Variants in MTUS2 observed in about 807,000 individuals in gnomAD.
MTUS2 encodes the protein microtubule-associated tumor suppressor candidate 2.
MTUS2 carries 40 observed loss-of-function variants against 114.1 expected under a neutral mutation model. That is an observed-to-expected ratio of 0.35 (90% confidence interval 0.27 to 0.46). MTUS2 has a LOEUF of 0.46. Ranked by LOEUF, MTUS2 falls within the 20% of genes least tolerant of loss-of-function variation. The probability of loss-of-function intolerance (pLI) is 1.00; values close to 1 mark genes in which losing one functional copy is unlikely to be tolerated. For synonymous variants in MTUS2, 688 were observed against 672.0 expected (o/e 1.02, Z -0.37); for missense variants, 1,679 against 1,705.4 (o/e 0.98, Z 0.27).
In MTUS2 at chr13:29,156,003, AC is replaced by A. The variant is rs1225061016; in HGVS notation, c.2644+55036del. On this transcript the variant is annotated intron_variant, in intron 5 of 15. Transcript: ENST00000612955. ...TAACCATAAACAGCCGTTTGCCCAT[AC>A]CCATGCACACTGGCTAAATATTGAC... 2.6e-5 allele frequency among the ~76,000 whole-genome samples: 4 copies of A among 152,232 alleles called. No homozygotes were observed. The East Asian group carries it at 7.8e-4, about 30-fold the overall frequency.
chr13:29,145,562 C>G (rs967940511), intron 5 of MTUS2, among the ~76,000 whole-genome samples: 5 of 152,144 alleles, frequency 3.3e-5, no homozygotes, highest in Admixed American at 6.5e-5. Flanking sequence ...ATTATAAGAC[C>G]AAGGCCATTT....
At chr13:29,072,547 C>T (rs9506089) in intron 4 of MTUS2, among the ~76,000 whole-genome samples, 87,341 of 152,034 alleles carry the variant, frequency 0.57, 25,380 homozygotes, top group Non-Finnish European at 0.61. Flanking sequence ...TGTCATCATA[C>T]TACAGTTTTC....
At chr13:29,393,451 G>GAATA (rs1474403155) in intron 8 of MTUS2, among the ~76,000 whole-genome samples, 1 of 152,166 alleles carries the variant, frequency 6.6e-6, no homozygotes, top group African/African-American at 2.4e-5. Flanking sequence ...ACTTTCTGAT[G>GAATA]AATAACACCT....
intron 5 of MTUS2, among the ~76,000 whole-genome samples, chr13:29,179,163 C>T (rs7335449): frequency 0.011 from 1,652 of 152,234 alleles, 26 homozygotes; most frequent in African/African-American, 0.038. Context: ...TGTTTATGGC[C>T]GATCCATGAA....
Position 29,026,728 on chromosome 13 carries a change from C to T in MTUS2, c.2030C>T (p.Pro677Leu). 1 of 1,613,998 alleles carries T rather than the reference C, an allele frequency of 6.2e-7. No homozygotes were observed. Among genetic ancestry groups the T allele is most frequent in the South Asian group, 1.1e-5 (1 of 91,086 alleles). Residue 677 changes from proline to leucine, a missense_variant, in exon 3 of 16, where the codon CCT (proline) becomes CTT (leucine). Physicochemically the swap from Pro to Leu is moderately conservative, Grantham distance 98 (BLOSUM62 -3). Transcript: ENST00000612955. ...TATGCCCCGCCCACATGTACCATGCCTCTTCCCCACGAAGAGAAGGCAGCA... is the reference window on the plus strand; with the variant it reads ...TATGCCCCGCCCACATGTACCATGCTTCTTCCCCACGAAGAGAAGGCAGCA... ...LPYAPPTCTM[P>L]LPHEEKAAGG...
chr13:29,441,893 A>T (rs1566202482), intron 9 of MTUS2, among the ~76,000 whole-genome samples: 1 of 151,986 alleles, frequency 6.6e-6, no homozygotes. Flanking sequence ...ATCAAAAAGG[A>T]TTTTTTTTAA....
At chr13:28,862,278 G>A (rs1161456) in intron 2 of MTUS2, among the ~76,000 whole-genome samples, 105,116 of 152,144 alleles carry the variant, frequency 0.69, 40,176 homozygotes, top group Non-Finnish European at 0.86. Context: ...TAAATTAACA[G>A]CAGGAACGCA....
chr13:29,081,136 G>A (rs1464528268), intron 4 of MTUS2, among the ~76,000 whole-genome samples: 1 of 152,116 alleles, frequency 6.6e-6, no homozygotes, highest in African/African-American at 2.4e-5. Context: ...AGATTGGCTT[G>A]GAGTTTTTAT....
chr13:28,846,453 T>G (rs1190020293), intron 2 of MTUS2, among the ~76,000 whole-genome samples: 1 of 152,254 alleles, frequency 6.6e-6, no homozygotes, highest in East Asian at 1.9e-4. Context: ...CACTTCTCAG[T>G]CCATCAAGTC....
At chr13:29,306,703 G>T (rs1593284230) in intron 6 of MTUS2, 2 of 265,570 alleles carry the variant, frequency 7.5e-6, no homozygotes, top group East Asian at 9.6e-5. Flanking sequence ...CATGAAAATG[G>T]TCGGCTCCCT....
At chr13:29,109,239 T>C (rs1890788535) in intron 5 of MTUS2, among the ~76,000 whole-genome samples, 1 of 152,242 alleles carries the variant, frequency 6.6e-6, no homozygotes, top group Non-Finnish European at 1.5e-5. Context: ...CATTGTGAAA[T>C]GATTACTACA....
intron 5 of MTUS2, among the ~76,000 whole-genome samples, chr13:29,160,221 C>T (rs115078433): frequency 6.2e-4 from 95 of 152,288 alleles, no homozygotes; most frequent in African/African-American, 2.2e-3. Flanking sequence ...CTGCACAGGT[C>T]CACTTATATG....
At chr13:29,497,612 G>T in intron 13 of MTUS2, 1 of 477,972 alleles carries the variant, frequency 2.1e-6, no homozygotes, top group African/African-American at 1.9e-5. Flanking sequence ...TGATAAGCAT[G>T]GTCTGGAAAC....
chr13:29,293,705 T>C (rs1898814700), intron 6 of MTUS2, among the ~76,000 whole-genome samples: 1 of 152,092 alleles, frequency 6.6e-6, no homozygotes, highest in South Asian at 2.1e-4. Context: ...TATGGAAATA[T>C]GTAAATAAGT....
intron 2 of MTUS2, among the ~76,000 whole-genome samples, chr13:29,009,917 A>G (rs1284686787): frequency 6.6e-6 from 1 of 152,098 alleles, no homozygotes; most frequent in Non-Finnish European, 1.5e-5. Flanking sequence ...TGTGGAGGAT[A>G]AAAAGCTATA....
chr13:29,402,824 C>T (rs1874447374), intron 8 of MTUS2, among the ~76,000 whole-genome samples: 2 of 152,176 alleles, frequency 1.3e-5, no homozygotes, highest in South Asian at 2.1e-4. Context: ...GCAACCTCCG[C>T]CTCCCAGGTT....
rs112153782 is a variant in MTUS2, at chr13:29,367,500, G to A, written c.3117+8027G>A. On this transcript the variant is annotated intron_variant, in intron 8 of 15. Transcript: ENST00000612955. ...ACAGCAGCTGCAGCGCTGTGTTTTA[G>A]GAAGATTAACGCAGTTTGAGATGGA... Among the ~76,000 whole-genome samples, 722 of 152,292 alleles carry A rather than the reference G, an allele frequency of 4.7e-3. 6 individuals carry two copies. Among genetic ancestry groups the A allele is most frequent in the African/African-American group, 0.017 (690 of 41,570 alleles).
chr13:29,125,920 G>T (rs1392036166), intron 5 of MTUS2, among the ~76,000 whole-genome samples: 2 of 152,158 alleles, frequency 1.3e-5, no homozygotes, highest in African/African-American at 2.4e-5. Context: ...TAAAGTCAGT[G>T]GCAAATGTAC....
intron 9 of MTUS2, among the ~76,000 whole-genome samples, chr13:29,446,303 GGTTTTAGGGCT>G (rs1205623262): frequency 6.6e-6 from 1 of 152,114 alleles, no homozygotes; most frequent in Non-Finnish European, 1.5e-5. Context: ...GAAGTCATAG[GGTTTTAGGGCT>G]GGTCCAGACC....
Sources: gnomAD v4.1 joint callset for allele counts (sites outside exome capture counted in the v4.1 genomes callset) on GRCh38, gnomAD v4.1.1 for gene constraint, MANE v1.5 for transcripts, NCBI Gene and HGNC (gene_info 2026-07-23, HGNC 2026-07-21) for gene names.